The following ABHD2 variants were observed in gnomAD, a reference collection of about 807,000 sequenced individuals.
The protein encoded by ABHD2 is monoacylglycerol lipase ABHD2.
Under a neutral mutation model 48.1 loss-of-function variants are expected in ABHD2, and 20 were observed. The observed-to-expected ratio is 0.42, with a 90% CI of 0.29 to 0.60. ABHD2 has a LOEUF of 0.60. Among genes scored for constraint, ABHD2 ranks in the 20% least tolerant of loss-of-function variants. The pLI is 0.24. For synonymous variants in ABHD2, 209 were observed against 214.2 expected, an observed-to-expected ratio of 0.98 and a Z score of 0.21; for missense variants, 405 against 550.9, an observed-to-expected ratio of 0.74 and a Z score of 2.65.
At chr15:89,080,133 C>T in the ABHD2 span, among the ~76,000 whole-genome samples, 17 of 152,218 alleles carry the variant, frequency 1.1e-4, no homozygotes, top group African/African-American at 3.9e-4. Context: ...AAAGCTACTG[C>T]TCTGCCCAGC....
At chr15:89,073,636 T>C in the ABHD2 span, among the ~76,000 whole-genome samples, 1 of 152,240 alleles carries the variant, frequency 6.6e-6, no homozygotes, top group African/African-American at 2.4e-5. Context: ...GTTTGGAAAC[T>C]AGTGGCCTCA....
Position 89,177,248 on chromosome 15 carries a change from G to A in ABHD2, c.722+1253G>A, listed in dbSNP as rs888163823. ...CTGAGAGTCAAATGAGTTGATGCGT[G>A]TGAAGTGCTTAGAACAGTGCCCAGC... On this transcript the variant is annotated intron_variant, in intron 6 of 10. Coordinates refer to ENST00000352732, the MANE Select transcript of ABHD2 (RefSeq NM_152924.5). This position sits in a 1 kb window ranked among gnomAD's most constrained non-coding sequence, Gnocchi z 5.6. Among the ~76,000 whole-genome samples, 2 of 152,188 alleles carry A rather than the reference G, an allele frequency of 1.3e-5. No individual in the cohort carries two copies. The highest frequency in any genetic ancestry group is 2.1e-4 in the South Asian group (1 of 4,832).
intron 2 of ABHD2, among the ~76,000 whole-genome samples, chr15:89,115,404 GTGTGTGTGTGTGTGTGTGTGTGTGTGTT>G (rs1222569839): frequency 8.9e-5 from 13 of 145,380 alleles, no homozygotes; most frequent in African/African-American, 3.4e-4. Flanking sequence ...GTGTGTGTGT[GTGTGTGTGTGTGTGTGTGTGTGTGTGTT>G]TTGTATATAA....
intron 1 of ABHD2, among the ~76,000 whole-genome samples, chr15:89,095,751 A>G (rs536746361): frequency 2.6e-5 from 4 of 152,214 alleles, no homozygotes; most frequent in South Asian, 2.1e-4. Context: ...GGATTTCCCA[A>G]TCCAGGGCTG....
At chr15:89,115,249 C>T (rs1362728733) in intron 2 of ABHD2, among the ~76,000 whole-genome samples, 2 of 152,088 alleles carry the variant, frequency 1.3e-5, no homozygotes, top group Admixed American at 6.6e-5. Context: ...CTTGTGATTT[C>T]CCTGATTTTT....
intron 2 of ABHD2, among the ~76,000 whole-genome samples, chr15:89,115,354 TTA>T (rs1235821054): frequency 6.6e-6 from 1 of 150,648 alleles, no homozygotes; most frequent in Admixed American, 6.6e-5. Flanking sequence ...ATGTTTGGTT[TTA>T]TATGTTTGGA....
the ABHD2 span, among the ~76,000 whole-genome samples, chr15:89,056,428 G>A: frequency 2.4e-4 from 37 of 152,158 alleles, no homozygotes; most frequent in African/African-American, 8.4e-4. Flanking sequence ...TTCAGGCACC[G>A]GGCACAGATC....
intron 1 of ABHD2, among the ~76,000 whole-genome samples, chr15:89,089,182 C>T (rs180955931): frequency 6.6e-6 from 1 of 152,374 alleles, no homozygotes; most frequent in African/African-American, 2.4e-5. Flanking sequence ...GGGCAGCTAG[C>T]GCCTCGACCT....
At chr15:89,056,532 A>G in the ABHD2 span, among the ~76,000 whole-genome samples, 2 of 151,982 alleles carry the variant, frequency 1.3e-5, no homozygotes, top group African/African-American at 4.8e-5. Context: ...GGTCCCAGCT[A>G]CTCAGGAGGC....
At chr15:89,141,984 A>G (rs1236498743) in intron 3 of ABHD2, among the ~76,000 whole-genome samples, 1 of 152,244 alleles carries the variant, frequency 6.6e-6, no homozygotes, top group East Asian at 1.9e-4. Flanking sequence ...GTTCTAGATA[A>G]CTAATATTTT....
chr15:89,144,528 GATAAC>G (rs2050461127), intron 3 of ABHD2, among the ~76,000 whole-genome samples: 1 of 152,190 alleles, frequency 6.6e-6, no homozygotes, highest in African/African-American at 2.4e-5. Flanking sequence ...ATGAATTACT[GATAAC>G]ATGTTGCAGC....
Position 89,195,079 on chromosome 15 carries a change from G to A in ABHD2, c.1082-148G>A. On this transcript the variant is annotated intron_variant, in intron 10 of 10. Transcript: ENST00000352732. The surrounding 1 kb of genome is among the most constrained non-coding windows in gnomAD (Gnocchi z 5.1). Reference sequence around the variant, plus strand: ...CACTGTCTTGCCTGCCCCCTCTTTGGTGAACAAGGCAGAGTGAGTAGAGGT... The same window carrying A: ...CACTGTCTTGCCTGCCCCCTCTTTGATGAACAAGGCAGAGTGAGTAGAGGT... 4.8e-6 allele frequency: 4 copies of A among 836,108 alleles called. No individual in the cohort carries two copies. The highest frequency in any genetic ancestry group is 7.3e-6 in the Non-Finnish European group (4 of 546,190). 51.8% of individuals were successfully genotyped at this position (836,108 alleles called of 1,614,324 possible).
intron 6 of ABHD2, chr15:89,183,384 A>AAAAAATATATATATATAT (rs61602174): frequency 3.2e-4 from 15 of 46,266 alleles, no homozygotes; most frequent in South Asian, 9.1e-4. Context: ...AAAAAAAAAA[A>AAAAAATATATATATATAT]ATATATATAT....
rs911405211 is a variant in ABHD2 at position 89,188,664 on chromosome 15, G to A, written c.926+361G>A. 3.3e-5 allele frequency among the ~76,000 whole-genome samples: 5 copies of A among 152,322 alleles called. No individual in the cohort carries two copies. The East Asian group carries it at 9.7e-4, about 29-fold the overall frequency. Reference sequence around the variant, plus strand: ...GTGCCACATAAATCTGCATTTCGCAGTGGAGTAAAAGGCAAAAGAAATACT... The same window carrying A: ...GTGCCACATAAATCTGCATTTCGCAATGGAGTAAAAGGCAAAAGAAATACT... On this transcript the variant is annotated intron_variant, in intron 8 of 10. Transcript: ENST00000352732. This position sits in a 1 kb window ranked among gnomAD's most constrained non-coding sequence, Gnocchi z 4.1.
intron 6 of ABHD2, chr15:89,183,387 ATATATATATATAT>A (rs2051152979): frequency 5.2e-5 from 4 of 76,224 alleles, no homozygotes; most frequent in Non-Finnish European, 9.3e-5. Flanking sequence ...AAAAAAAAAT[ATATATATATATAT>A]ATATATATAT....
rs186208659 is a variant in ABHD2, at chr15:89,166,556, G to A, written c.539-9256G>A. Reference sequence around the variant, plus strand: ...ATCATGCCACTGCACTCCAGCCTGGGTGACAGAGTGAGACCCTGTCTCAAA... The same window carrying A: ...ATCATGCCACTGCACTCCAGCCTGGATGACAGAGTGAGACCCTGTCTCAAA... On this transcript the variant is annotated intron_variant, in intron 5 of 10. Transcript: ENST00000352732. The surrounding 1 kb of genome is among the most constrained non-coding windows in gnomAD (Gnocchi z 4.6). Among the ~76,000 whole-genome samples, 42 of 152,206 alleles carry A rather than the reference G, an allele frequency of 2.8e-4. No homozygotes were observed. Among genetic ancestry groups the A allele is most frequent in the Non-Finnish European group, 8.8e-5 (6 of 68,002 alleles).
chr15:89,058,810 C>T, the ABHD2 span, among the ~76,000 whole-genome samples: 1 of 152,166 alleles, frequency 6.6e-6, no homozygotes. Context: ...CAGCCCTCAA[C>T]AATATCTCAA....
In ABHD2 at chr15:89,092,075, G is replaced by A. The variant is rs894095363; in HGVS notation, c.-107+3512G>A. 6.6e-6 allele frequency among the ~76,000 whole-genome samples: 1 copy of A among 152,178 alleles called. No individual in the cohort carries two copies. Among genetic ancestry groups the A allele is most frequent in the East Asian group, 1.9e-4 (1 of 5,198 alleles). On this transcript the variant is annotated intron_variant, in intron 1 of 10. Coordinates refer to ENST00000352732, the MANE Select transcript of ABHD2 (RefSeq NM_152924.5). The surrounding 1 kb of genome is among the most constrained non-coding windows in gnomAD (Gnocchi z 4.4). ...TCCTTTCAGGATTTTCATATCTGCA[G>A]ATTGATTTTTGTTGTCTTGTCCAGG...
chr15:89,201,153 C>T lies in ABHD2; in HGVS notation c.*5730C>T. 3 of 1,372,066 alleles carry T rather than the reference C, an allele frequency of 2.2e-6. No homozygotes were observed. The highest frequency in any genetic ancestry group is 1.2e-5 in the South Asian group (1 of 85,950). The allele number at this position is 1,372,066 out of a possible 1,614,324, so 85.0% of individuals were successfully genotyped here. On this transcript the variant is annotated 3_prime_UTR_variant, in exon 11 of 11. Transcript: ENST00000352732. Reference sequence around the variant, plus strand: ...AGAAGTGAAGGAAGAAGACTGGTGACATCTCTGAAGGATGCAGTTGAGGTT... The same window carrying T: ...AGAAGTGAAGGAAGAAGACTGGTGATATCTCTGAAGGATGCAGTTGAGGTT...
Sources: allele counts gnomAD v4.1 joint callset (sites outside exome capture counted in the v4.1 genomes callset), GRCh38; gene constraint gnomAD v4.1.1; non-coding constraint Gnocchi (gnomAD v3.1); transcripts MANE v1.5; gene names NCBI Gene and HGNC (gene_info 2026-07-23, HGNC 2026-07-21).